The following FBXL17 variants were observed in gnomAD, a reference collection of about 807,000 sequenced individuals.
The protein encoded by FBXL17 is F-box/LRR-repeat protein 17.
A neutral mutation model predicts 66.2 loss-of-function variants in FBXL17; 22 were observed. That is an observed-to-expected ratio of 0.33 (90% CI 0.24 to 0.47). FBXL17 has a LOEUF of 0.47. Ranked by LOEUF, FBXL17 falls within the 20% of genes least tolerant of loss-of-function variation. The pLI is 1.00. For missense variants in FBXL17, 878 were observed against 948.2 expected (o/e 0.93, Z 0.97); for synonymous variants, 474 against 400.5 (o/e 1.18, Z -2.19).
At chr5:108,212,691 G>A (rs956610296) in intron 5 of FBXL17, among the ~76,000 whole-genome samples, 37 of 152,110 alleles carry the variant, frequency 2.4e-4, no homozygotes, top group African/African-American at 8.2e-4. Flanking sequence ...AGGAAGCTTC[G>A]TCCCAGAGGG....
chr5:107,934,534 A>C (rs1295677131), intron 7 of FBXL17, among the ~76,000 whole-genome samples: 1 of 152,184 alleles, frequency 6.6e-6, no homozygotes, highest in African/African-American at 2.4e-5. Context: ...AACTAGAAGT[A>C]CACTCCCAAC....
chr5:108,342,544 T>C (rs987924399), intron 4 of FBXL17, among the ~76,000 whole-genome samples: 2 of 152,204 alleles, frequency 1.3e-5, no homozygotes, highest in African/African-American at 4.8e-5. Flanking sequence ...TAATGTCTTT[T>C]GGAAGTTGCT....
intron 7 of FBXL17, among the ~76,000 whole-genome samples, chr5:107,883,570 T>G (rs372417115): frequency 1.3e-5 from 2 of 152,130 alleles, no homozygotes; most frequent in East Asian, 3.9e-4. Flanking sequence ...ACTCCTTAGC[T>G]TTCAGATCTC....
chr5:108,106,629 A>T (rs980158935), intron 6 of FBXL17, among the ~76,000 whole-genome samples: 18 of 152,356 alleles, frequency 1.2e-4, no homozygotes, highest in Non-Finnish European at 1.2e-4. Flanking sequence ...ATTACATGAA[A>T]AAAGCCAAAC....
intron 6 of FBXL17, among the ~76,000 whole-genome samples, chr5:108,156,225 T>C (rs1424697465): frequency 6.6e-6 from 1 of 152,058 alleles, no homozygotes; most frequent in African/African-American, 2.4e-5. Context: ...AGAGATCACG[T>C]TATTTATTTA....
intron 8 of FBXL17, among the ~76,000 whole-genome samples, chr5:107,876,359 T>A (rs146518524): frequency 3.9e-4 from 59 of 151,370 alleles, no homozygotes; most frequent in African/African-American, 1.4e-3. Context: ...TGCATGAAGT[T>A]AAAAAAAAAT....
chr5:108,381,524 GC>G lies in FBXL17; in HGVS notation c.167del (p.Arg56ProfsTer302). On this transcript the variant is annotated frameshift_variant, in exon 1 of 9. Transcript: ENST00000542267. LOFTEE classifies it high-confidence loss of function. ...CGATGAAGCAGAGCATGCAGGGCCC[GC>G]GGAAGAAGCAGTCCCGGCTCCGGGG... is the stretch of plus-strand genomic sequence containing the variant. ...AAPRSRDCFFRGPCMLCFIVH... is the reference protein window; with the variant it reads ...AAPRSRDCFFXGPCMLCFIVH... 7.1e-7 allele frequency: 1 copy of G among 1,413,082 alleles called. No homozygotes were observed. 87.5% of individuals were successfully genotyped at this position (1,413,082 alleles called of 1,614,324 possible).
At chr5:107,935,927 A>G (rs1750894788) in intron 7 of FBXL17, among the ~76,000 whole-genome samples, 3 of 152,164 alleles carry the variant, frequency 2.0e-5, no homozygotes, top group Admixed American at 2.0e-4. Context: ...TGCAAGCTCA[A>G]GAAATCCTGG....
intron 6 of FBXL17, among the ~76,000 whole-genome samples, chr5:108,170,662 T>C (rs1752574069): frequency 6.6e-6 from 1 of 152,136 alleles, no homozygotes; most frequent in Non-Finnish European, 1.5e-5. Flanking sequence ...GCTTCCCAAG[T>C]AGCTGGGACT....
chr5:107,904,170 CA>C (rs2112536701), intron 7 of FBXL17, among the ~76,000 whole-genome samples: 1 of 152,272 alleles, frequency 6.6e-6, no homozygotes, highest in East Asian at 1.9e-4. Flanking sequence ...GCAACATGTC[CA>C]TTTATAAACT....
chr5:108,360,882 T>A (rs1368236655), intron 3 of FBXL17, among the ~76,000 whole-genome samples: 1 of 152,166 alleles, frequency 6.6e-6, no homozygotes, highest in African/African-American at 2.4e-5. Context: ...AAATGTTTTA[T>A]TTCAGTTATT....
At chr5:108,357,213 C>T (rs1748054920) in intron 3 of FBXL17, among the ~76,000 whole-genome samples, 1 of 151,960 alleles carries the variant, frequency 6.6e-6, no homozygotes, top group Admixed American at 6.6e-5. Context: ...ACAGAGCAGA[C>T]TTCAGAAGAA....
chr5:108,085,401 C>A (rs1235785370), intron 6 of FBXL17, among the ~76,000 whole-genome samples: 1 of 152,170 alleles, frequency 6.6e-6, no homozygotes, highest in African/African-American at 2.4e-5. Context: ...ATGCAACAGC[C>A]CCTGACTTCT....
rs942800708 is a variant in FBXL17 at position 108,353,004 on chromosome 5, T to C, written c.1375-4474A>G. On this transcript the variant is annotated intron_variant, in intron 3 of 8. Transcript: ENST00000542267. ...TTCTAGATGATCCAAGTTAGAGGGA[T>C]TTGGGAAACACCTTGGGCTTTCCAC... Among the ~76,000 whole-genome samples the C allele has an allele frequency of 2.0e-5, 3 of 152,096 alleles. No individual in the cohort carries two copies. In the South Asian group the frequency reaches 6.2e-4, roughly 32 times the overall value.
chr5:108,081,865 C>T (rs1748782773), intron 6 of FBXL17, among the ~76,000 whole-genome samples: 1 of 151,618 alleles, frequency 6.6e-6, no homozygotes, highest in South Asian at 2.1e-4. Flanking sequence ...TCCAGCTTCC[C>T]TCCCGCTTCT....
rs138083696 is a variant in FBXL17, at chr5:108,352,192, G to C, written c.1375-3662C>G. 3.3e-5 allele frequency among the ~76,000 whole-genome samples: 5 copies of C among 152,300 alleles called. No homozygotes were observed. The East Asian group carries it at 7.7e-4, about 24-fold the overall frequency. ...ATCTCACTGCAGAAACTGATATTCT[G>C]TTTTAGACATCACTGGATATAACCG... On this transcript the variant is annotated intron_variant, in intron 3 of 8. Transcript: ENST00000542267.
intron 1 of FBXL17, among the ~76,000 whole-genome samples, chr5:108,370,256 T>C (rs1456334031): frequency 6.6e-6 from 1 of 152,186 alleles, no homozygotes; most frequent in Non-Finnish European, 1.5e-5. Context: ...CTAAAGGCTA[T>C]TAGTCAAGGA....
At chr5:108,293,102 AAAAAAAAAAC>A (rs1311953142) in intron 4 of FBXL17, among the ~76,000 whole-genome samples, 3 of 151,566 alleles carry the variant, frequency 2.0e-5, no homozygotes, top group African/African-American at 4.8e-5. Flanking sequence ...AAAAAACAAA[AAAAAAAAAAC>A]AAAAAAAAAC....
At chr5:108,313,525 C>G (rs748162347) in intron 4 of FBXL17, among the ~76,000 whole-genome samples, 5 of 152,010 alleles carry the variant, frequency 3.3e-5, no homozygotes, top group Non-Finnish European at 7.4e-5. Flanking sequence ...AAAATATGCC[C>G]TTAGTAGCTA....
Sources: allele counts gnomAD v4.1 joint callset (sites outside exome capture counted in the v4.1 genomes callset), GRCh38; gene constraint gnomAD v4.1.1; transcripts MANE v1.5; gene names NCBI Gene and HGNC (gene_info 2026-07-23, HGNC 2026-07-21).